Variants in BLVRA observed in about 807,000 individuals in gnomAD.
The protein encoded by BLVRA is biliverdin reductase A, also known as BVR A.
A neutral mutation model predicts 32.8 loss-of-function variants in BLVRA; 22 were observed. The observed-to-expected ratio is 0.67, with a 90% CI of 0.48 to 0.96. The LOEUF (loss-of-function observed/expected upper bound fraction) is 0.96. Among genes scored for constraint, BLVRA ranks in the 40% least tolerant of loss-of-function variants. The pLI is 0.00. For missense variants in BLVRA, 323 were observed against 358.1 expected, an observed-to-expected ratio of 0.90 and a Z score of 0.79; for synonymous variants, 119 against 141.3, an observed-to-expected ratio of 0.84 and a Z score of 1.12.
At chr7:43,771,362 T>C (rs1014826266) in intron 2 of BLVRA, among the ~76,000 whole-genome samples, 192 bp downstream of exon 2, 6 of 152,200 alleles carry the variant, frequency 3.9e-5, no homozygotes, top group Admixed American at 2.6e-4. Context: ...CTTATCTGTG[T>C]CTGTCTGGCT....
intron 2 of BLVRA, among the ~76,000 whole-genome samples, chr7:43,773,869 T>G (rs1292451933): frequency 2.6e-5 from 4 of 152,230 alleles, no homozygotes; most frequent in African/African-American, 9.6e-5. Flanking sequence ...TGGTTTTGAT[T>G]TGCATTTCTC....
chr7:43,792,008 G>A (rs1279058599), intron 4 of BLVRA, among the ~76,000 whole-genome samples: 1 of 152,166 alleles, frequency 6.6e-6, no homozygotes, highest in Admixed American at 6.6e-5. Flanking sequence ...GCACCAGAGT[G>A]TATTTCCTTA....
intron 5 of BLVRA, among the ~76,000 whole-genome samples, chr7:43,793,506 G>A (rs901570190): frequency 1.3e-5 from 2 of 152,158 alleles, no homozygotes; most frequent in African/African-American, 4.8e-5. Context: ...GACTTTCCCA[G>A]GCCAGACGCA....
intron 2 of BLVRA, among the ~76,000 whole-genome samples, chr7:43,786,927 A>AT (rs35592453): frequency 0.15 from 22,331 of 147,452 alleles, 2,166 homozygotes; most frequent in Non-Finnish European, 0.22. Flanking sequence ...CATGGAGATA[A>AT]TTTTTTTTTT....
intron 5 of BLVRA, among the ~76,000 whole-genome samples, chr7:43,799,362 A>G (rs2095796240): frequency 6.6e-6 from 1 of 152,234 alleles, no homozygotes; most frequent in African/African-American, 2.4e-5. Flanking sequence ...GTACTTAATC[A>G]CAAAATAGTT....
chr7:43,767,532 T>C lies in BLVRA; in HGVS notation c.-21-3606T>C, dbSNP rs1034653611. The C allele has an allele frequency of 1.9e-5, 22 of 1,139,606 alleles. No individual in the cohort carries two copies. The Admixed American group carries it at 3.8e-4, about 20-fold the overall frequency. The allele number at this position is 1,139,606 out of a possible 1,614,324, so 70.6% of individuals were successfully genotyped here. A position where few individuals can be genotyped will look rare whatever the true frequency, so the allele number is the denominator to read the frequency against. On this transcript the variant is annotated intron_variant, in intron 1 of 7. Transcript: ENST00000265523. The stretch of plus-strand genomic sequence containing the variant: ...GCCGTGGTCACCGGCCATGTGGTGC[T>C]GGCCCTCTTTATGTATGTGGTCTGG...
intron 1 of BLVRA, among the ~76,000 whole-genome samples, chr7:43,769,753 C>G (rs2095752360): frequency 6.6e-6 from 1 of 152,092 alleles, no homozygotes; most frequent in Non-Finnish European, 1.5e-5. Flanking sequence ...GAATTACAGG[C>G]ATGCGCCACC....
intron 5 of BLVRA, among the ~76,000 whole-genome samples, chr7:43,798,869 A>C (rs3107889): frequency 0.83 from 126,689 of 151,960 alleles, 53,335 homozygotes; most frequent in African/African-American, 0.95. Context: ...GGAAAACAAC[A>C]AAAGACACAG....
At chr7:43,796,850 A>G (rs2095793386) in intron 5 of BLVRA, among the ~76,000 whole-genome samples, 1 of 152,226 alleles carries the variant, frequency 6.6e-6, no homozygotes, top group African/African-American at 2.4e-5. Context: ...TCTACAACTC[A>G]ACAACAAACA....
rs1025344723 is a variant in BLVRA, at chr7:43,774,455, G to A, written c.12+3285G>A. Among the ~76,000 whole-genome samples, 84 of 152,292 alleles carry A rather than the reference G, an allele frequency of 5.5e-4. 2 individuals carry two copies. Among genetic ancestry groups the A allele is most frequent in the African/African-American group, 2.0e-3 (84 of 41,562 alleles). The stretch of plus-strand genomic sequence containing the variant: ...TCAAAGATCAGATAGTTGTAGATAT[G>A]CGGCATTATTTCTGAGGGCTCTGTT... On this transcript the variant is annotated intron_variant, in intron 2 of 7. Coordinates refer to ENST00000265523, the MANE Select transcript of BLVRA (RefSeq NM_000712.4).
In BLVRA at chr7:43,779,085, C is replaced by T. The variant is rs2095765514; in HGVS notation, c.12+7915C>T. The stretch of plus-strand genomic sequence containing the variant: ...CCCTTTCTTTGACTAGGAAAGGGAA[C>T]TCCCTGACCCCTTGCGCTTCCCGAG... On this transcript the variant is annotated intron_variant, in intron 2 of 7. Transcript: ENST00000265523. Among the ~76,000 whole-genome samples, 3 of 152,240 alleles carry T rather than the reference C, an allele frequency of 2.0e-5. No individual in the cohort carries two copies. In the South Asian group the frequency reaches 6.2e-4, roughly 31 times the overall value.
Position 43,792,708 on chromosome 7 carries a change from A to T in BLVRA, c.255-7A>T. On this transcript the variant is annotated splice_polypyrimidine_tract_variant and splice_region_variant and intron_variant, in intron 4 of 7. Transcript: ENST00000265523. ...TTCTTTCTCTGTATTTGTCTCGTTT[A>T]CCAAAGGCAGTTCCTTAATGCTGGC... is the stretch of plus-strand genomic sequence containing the variant. The T allele has an allele frequency of 6.2e-7, 1 of 1,613,378 alleles. No homozygotes were observed. The highest frequency in any genetic ancestry group is 8.5e-7 in the Non-Finnish European group (1 of 1,179,362).
chr7:43,762,629 T>A (rs2095743638), intron 1 of BLVRA, among the ~76,000 whole-genome samples: 1 of 146,968 alleles, frequency 6.8e-6, no homozygotes, highest in Non-Finnish European at 1.5e-5. Flanking sequence ...TTTTTTTTTT[T>A]AAGATGGAGT....
intron 2 of BLVRA, among the ~76,000 whole-genome samples, chr7:43,771,881 C>A (rs756748413): frequency 6.6e-6 from 1 of 152,236 alleles, no homozygotes; most frequent in East Asian, 1.9e-4. Flanking sequence ...CAGCTCCAGG[C>A]TTCATCCCTC....
At chr7:43,773,915 T>A (rs199762531) in intron 2 of BLVRA, among the ~76,000 whole-genome samples, 3 of 152,240 alleles carry the variant, frequency 2.0e-5, no homozygotes, top group Admixed American at 6.5e-5. Flanking sequence ...TTTCATGTGT[T>A]TTTTGGCTAC....
chr7:43,794,529 G>T (rs565101426), intron 5 of BLVRA, among the ~76,000 whole-genome samples: 25 of 152,184 alleles, frequency 1.6e-4, no homozygotes, highest in African/African-American at 5.8e-4. Context: ...GAGGTCAGGA[G>T]TTCAAGACCA....
rs554226545 is a variant in BLVRA, at chr7:43,767,375, C to T, written c.-21-3763C>T. On this transcript the variant is annotated intron_variant, in intron 1 of 7. Coordinates refer to ENST00000265523, the MANE Select transcript of BLVRA (RefSeq NM_000712.4). The stretch of plus-strand genomic sequence containing the variant: ...AGCTCATTAGCATCTACACTGAAGA[C>T]GCTCCTGTTCTTCACAGCTTTAATG... The T allele has an allele frequency of 1.2e-4, 200 of 1,600,334 alleles. No homozygotes were observed. In the African/African-American group the frequency reaches 1.6e-3, roughly 13 times the overall value.
chr7:43,775,693 T>G (rs2095759957), intron 2 of BLVRA, among the ~76,000 whole-genome samples: 1 of 152,208 alleles, frequency 6.6e-6, no homozygotes, highest in South Asian at 2.1e-4. Context: ...TTCTGTTGAT[T>G]GTAATAGTTT....
intron 1 of BLVRA, among the ~76,000 whole-genome samples, chr7:43,766,533 A>G (rs989920320): frequency 3.3e-5 from 5 of 152,214 alleles, no homozygotes; most frequent in Admixed American, 2.6e-4. Flanking sequence ...AAAATACAGA[A>G]TAAAGTTCCT....
Sources: allele counts gnomAD v4.1 joint callset (sites outside exome capture counted in the v4.1 genomes callset), GRCh38; gene constraint gnomAD v4.1.1; transcripts MANE v1.5; gene names NCBI Gene and HGNC (gene_info 2026-07-23, HGNC 2026-07-21).